The following MAP2K6 variants were observed in gnomAD, a reference collection of about 807,000 sequenced individuals.
The protein encoded by MAP2K6 is dual specificity mitogen-activated protein kinase kinase 6.
Under a neutral mutation model 53.7 loss-of-function variants are expected in MAP2K6, and 16 were observed. That is an observed-to-expected ratio of 0.30 (90% CI 0.20 to 0.45). MAP2K6 has a LOEUF of 0.45. Among genes scored for constraint, MAP2K6 ranks in the 20% least tolerant of loss-of-function variants. MAP2K6 has a pLI of 1.00. For synonymous variants in MAP2K6, 132 were observed against 143.1 expected (o/e 0.92, Z 0.55); for missense variants, 204 against 411.9 (o/e 0.50, Z 4.37).
intron 5 of MAP2K6, 89 bp downstream of exon 5, chr17:69,519,521 GC>G: frequency 6.6e-7 from 1 of 1,523,208 alleles, no homozygotes; most frequent in Non-Finnish European, 9.0e-7. Flanking sequence ...CAATCATGGA[GC>G]TCTTTCTTGT....
chr17:69,450,929 T>C (rs761220078), intron 1 of MAP2K6, among the ~76,000 whole-genome samples: 2 of 152,058 alleles, frequency 1.3e-5, no homozygotes, highest in African/African-American at 4.8e-5. Flanking sequence ...TTGAGTGAAA[T>C]GGGATGGGTG....
intron 1 of MAP2K6, among the ~76,000 whole-genome samples, chr17:69,469,255 C>T (rs1028464352): frequency 2.6e-5 from 4 of 152,228 alleles, no homozygotes; most frequent in Non-Finnish European, 4.4e-5. Flanking sequence ...CTAACCAACC[C>T]CTCTACCTTC....
chr17:69,415,347 G>C (rs1905865558), intron 1 of MAP2K6, among the ~76,000 whole-genome samples: 1 of 152,200 alleles, frequency 6.6e-6, no homozygotes, highest in African/African-American at 2.4e-5. Flanking sequence ...GATATTGTAA[G>C]TAATTTTGTA....
chr17:69,533,735 G>GTTTTTTTTTT (rs35697742), intron 10 of MAP2K6, among the ~76,000 whole-genome samples: 1 of 140,178 alleles, frequency 7.1e-6, no homozygotes, highest in Non-Finnish European at 1.5e-5. Flanking sequence ...TAGCCTGTTT[G>GTTTTTTTTTT]TTTTTTTTTT....
chr17:69,506,930 T>C (rs1485525409), intron 2 of MAP2K6, among the ~76,000 whole-genome samples: 1 of 152,024 alleles, frequency 6.6e-6, no homozygotes, highest in Non-Finnish European at 1.5e-5. Flanking sequence ...CCATACTTGC[T>C]GTCAAGATTG....
chr17:69,517,729 A>G (rs748152873), intron 4 of MAP2K6, 116 bp downstream of exon 4: 1 of 548,160 alleles, frequency 1.8e-6, no homozygotes, highest in Non-Finnish European at 2.9e-6. Flanking sequence ...GTAAAACAGA[A>G]AAGATTATTT....
At chr17:69,432,348 C>A (rs1427470543) in intron 1 of MAP2K6, among the ~76,000 whole-genome samples, 1 of 152,178 alleles carries the variant, frequency 6.6e-6, no homozygotes, top group Non-Finnish European at 1.5e-5. Flanking sequence ...AAGATACATG[C>A]ACAAGTGTGT....
chr17:69,506,418 T>A (rs913311080), intron 2 of MAP2K6, among the ~76,000 whole-genome samples: 7 of 151,870 alleles, frequency 4.6e-5, no homozygotes, highest in Non-Finnish European at 8.8e-5. Flanking sequence ...GTTTTTTTTT[T>A]TTTTATTTTT....
chr17:69,419,451 G>A (rs1197387469), intron 1 of MAP2K6, among the ~76,000 whole-genome samples: 2 of 152,042 alleles, frequency 1.3e-5, no homozygotes, highest in Non-Finnish European at 2.9e-5. Context: ...TGCTCTTCAG[G>A]AAGATGGTAC....
intron 9 of MAP2K6, among the ~76,000 whole-genome samples, chr17:69,526,268 A>G (rs945169422): frequency 1.3e-5 from 2 of 152,204 alleles, no homozygotes. Flanking sequence ...TACATCCTGA[A>G]GTTTAATACG....
At chr17:69,475,913 C>T (rs1032935041) in intron 1 of MAP2K6, among the ~76,000 whole-genome samples, 3 of 152,230 alleles carry the variant, frequency 2.0e-5, no homozygotes, top group South Asian at 2.1e-4. Flanking sequence ...GTAATCCTGC[C>T]GGGTAGCTTT....
intron 6 of MAP2K6, chr17:69,520,609 T>C (rs1272561194): frequency 2.0e-6 from 1 of 510,022 alleles, no homozygotes; most frequent in Non-Finnish European, 3.4e-6. Flanking sequence ...TAAATGACTC[T>C]AAGTGCTGCA....
chr17:69,455,879 A>G (rs1242455402), intron 1 of MAP2K6, among the ~76,000 whole-genome samples: 1 of 117,640 alleles, frequency 8.5e-6, no homozygotes, highest in East Asian at 2.4e-4. Context: ...TTTTTTTTTA[A>G]GACAGAGTTT....
At chr17:69,482,579 T>C (rs1433785724) in intron 1 of MAP2K6, among the ~76,000 whole-genome samples, 1 of 152,072 alleles carries the variant, frequency 6.6e-6, no homozygotes, top group East Asian at 1.9e-4. Context: ...TTTCACTTAA[T>C]GTATTTTGGA....
chr17:69,433,677 T>A (rs543839569), intron 1 of MAP2K6: 12 of 152,218 alleles, frequency 7.9e-5, no homozygotes, highest in Non-Finnish European at 1.5e-4. Context: ...TCTCTGCCAA[T>A]GTTTGTGATG....
At chr17:69,475,038 T>C (rs1009809185) in intron 1 of MAP2K6, among the ~76,000 whole-genome samples, 1 of 152,178 alleles carries the variant, frequency 6.6e-6, no homozygotes, top group Non-Finnish European at 1.5e-5. Flanking sequence ...AGCTGTGCAG[T>C]CTTCTGATTC....
intron 1 of MAP2K6, among the ~76,000 whole-genome samples, chr17:69,435,968 G>A (rs1237224450): frequency 3.3e-5 from 5 of 150,104 alleles, no homozygotes; most frequent in African/African-American, 9.8e-5. Flanking sequence ...GTGCCCAGCC[G>A]AAAAAACAAT....
intron 1 of MAP2K6, among the ~76,000 whole-genome samples, chr17:69,425,607 G>A (rs369149900): frequency 3.3e-5 from 5 of 152,094 alleles, no homozygotes; most frequent in Admixed American, 6.6e-5. Flanking sequence ...CACCGCACCC[G>A]GCCTAAACCA....
chr17:69,453,841 A>G (rs928156575), intron 1 of MAP2K6, among the ~76,000 whole-genome samples: 2 of 152,210 alleles, frequency 1.3e-5, no homozygotes, highest in African/African-American at 2.4e-5. Context: ...GTTTGGAACA[A>G]TTAATCAGAA....
Sources: allele counts gnomAD v4.1 joint callset (sites outside exome capture counted in the v4.1 genomes callset), GRCh38; gene constraint gnomAD v4.1.1; transcripts MANE v1.5; gene names NCBI Gene and HGNC (gene_info 2026-07-23, HGNC 2026-07-21).